The following FAM193A variants were observed in gnomAD, a reference collection of about 807,000 sequenced individuals.
FAM193A encodes protein FAM193A.
FAM193A carries 22 observed loss-of-function variants against 126.5 expected under a neutral mutation model. The observed-to-expected ratio is 0.17, with a 90% CI of 0.12 to 0.25. FAM193A has a LOEUF of 0.25. Among genes scored for constraint, FAM193A ranks in the 10% least tolerant of loss-of-function variants. The probability of loss-of-function intolerance (pLI) is 1.00; values close to 1 mark genes in which losing one functional copy is unlikely to be tolerated. For synonymous variants in FAM193A, 761 were observed against 646.8 expected, an observed-to-expected ratio of 1.18 and a Z score of -2.68; for missense variants, 1,675 against 1,672.8, an observed-to-expected ratio of 1.00 and a Z score of -0.02.
chr4:2,618,807 C>G (rs1290655971), intron 2 of FAM193A, among the ~76,000 whole-genome samples: 1 of 152,066 alleles, frequency 6.6e-6, no homozygotes, highest in African/African-American at 2.4e-5. Flanking sequence ...GTTGGTCAGG[C>G]TGGTCTCGAG....
At chr4:2,591,560 C>G (rs1170849827) in intron 1 of FAM193A, among the ~76,000 whole-genome samples, 2 of 152,064 alleles carry the variant, frequency 1.3e-5, no homozygotes, top group Non-Finnish European at 2.9e-5. Flanking sequence ...ATAGGGCGGT[C>G]TAATCTGGGT....
At chr4:2,589,406 T>A (rs1056825298) in intron 1 of FAM193A, among the ~76,000 whole-genome samples, 2 of 152,152 alleles carry the variant, frequency 1.3e-5, no homozygotes, top group African/African-American at 4.8e-5. Flanking sequence ...TAAAAGTAAA[T>A]CCTTCAGAGT....
At chr4:2,721,185 C>A (rs1330271257) in intron 20 of FAM193A, among the ~76,000 whole-genome samples, 1 of 151,742 alleles carries the variant, frequency 6.6e-6, no homozygotes, top group African/African-American at 2.4e-5. Context: ...TGGTGGCGGG[C>A]ACCTGTAGTC....
At chr4:2,625,849 C>T (rs541810562) in intron 3 of FAM193A, among the ~76,000 whole-genome samples, 9 of 151,834 alleles carry the variant, frequency 5.9e-5, no homozygotes, top group East Asian at 5.8e-4. Context: ...ACCTCAGTCC[C>T]GGTATCTGGG....
At chr4:2,594,819 C>CTTTTTTTTTT (rs1740763162) in intron 1 of FAM193A, among the ~76,000 whole-genome samples, 1 of 86,958 alleles carries the variant, frequency 1.1e-5, no homozygotes, top group East Asian at 3.1e-4. Flanking sequence ...CTTTTCTTTT[C>CTTTTTTTTTT]CTTTTTTTTT....
intron 2 of FAM193A, among the ~76,000 whole-genome samples, chr4:2,611,916 A>C (rs552227532): frequency 2.8e-3 from 415 of 149,808 alleles, no homozygotes; most frequent in African/African-American, 7.8e-3. Flanking sequence ...GGCTCACTGC[A>C]AGCTCCGCCT....
Position 2,663,217 on chromosome 4 carries a change from C to T in FAM193A, c.2008C>T (p.Leu670=), listed in dbSNP as rs1456139863. 1.2e-6 allele frequency: 2 copies of T among 1,614,090 alleles called. No homozygotes were observed. Among genetic ancestry groups the T allele is most frequent in the East Asian group, 2.2e-5 (1 of 44,882 alleles). The change falls in exon 12 of 21, where the codon CTG becomes TTG. Residue 670 remains leucine (L), a synonymous_variant. Coordinates refer to ENST00000637812, the MANE Select transcript of FAM193A (RefSeq NM_001366318.2). ...PPGAPKEDGV[L]GSRSPRTEES... is the part of the protein sequence containing the mutation. ...AGGGGCCCCGAAGGAAGATGGAGTG[C>T]TGGGAAGCAGGAGCCCCAGGACAGA...
chr4:2,613,036 C>T (rs1375466405), intron 2 of FAM193A, among the ~76,000 whole-genome samples: 3 of 152,144 alleles, frequency 2.0e-5, no homozygotes, highest in Non-Finnish European at 2.9e-5. Flanking sequence ...AATATTGAGT[C>T]TTCAAGTCTA....
At chr4:2,725,456 A>AAG (rs1474878112) in intron 20 of FAM193A, among the ~76,000 whole-genome samples, 4 of 146,332 alleles carry the variant, frequency 2.7e-5, no homozygotes, top group African/African-American at 7.7e-5. Flanking sequence ...TCTCCAAAAA[A>AAG]AAAAAAAAAA....
chr4:2,625,553 A>G (rs1361804273), intron 3 of FAM193A, 158 bp downstream of exon 3: 1 of 463,676 alleles, frequency 2.2e-6, no homozygotes, highest in African/African-American at 2.0e-5. Context: ...GAGTAAGACA[A>G]AAACTGTTGC....
At chr4:2,679,773 T>C (rs559565070) in intron 13 of FAM193A, among the ~76,000 whole-genome samples, 6 of 152,150 alleles carry the variant, frequency 3.9e-5, no homozygotes, top group East Asian at 1.9e-4. Context: ...TTTTGGAAAC[T>C]TTGAGAAAGA....
intron 20 of FAM193A, among the ~76,000 whole-genome samples, chr4:2,726,950 CAAAA>C (rs35697253): frequency 1.9e-5 from 2 of 104,050 alleles, no homozygotes; most frequent in Admixed American, 1.1e-4. Flanking sequence ...AACTCCGTCC[CAAAA>C]AAAAAAAAAA....
chr4:2,596,578 A>G (rs756182774), intron 2 of FAM193A, among the ~76,000 whole-genome samples: 13 of 152,120 alleles, frequency 8.5e-5, no homozygotes, highest in African/African-American at 1.2e-4. Context: ...CTGAAGGGTG[A>G]TTTTTGGCTT....
chr4:2,610,230 C>T (rs1163342454), intron 2 of FAM193A, among the ~76,000 whole-genome samples: 4 of 151,936 alleles, frequency 2.6e-5, no homozygotes, highest in African/African-American at 9.7e-5. Context: ...GACTCTGTCT[C>T]AAAAACAAAA....
intron 6 of FAM193A, among the ~76,000 whole-genome samples, chr4:2,643,755 G>C (rs34745121): frequency 2.0e-5 from 3 of 152,070 alleles, no homozygotes; most frequent in Admixed American, 6.5e-5. Flanking sequence ...TCCATCCTCT[G>C]TCCTGCCTGA....
At chr4:2,557,480 A>G (rs1171491537) in intron 1 of FAM193A, among the ~76,000 whole-genome samples, 1 of 152,232 alleles carries the variant, frequency 6.6e-6, no homozygotes, top group Non-Finnish European at 1.5e-5. Flanking sequence ...TTTCTGTTCC[A>G]GGATCTAATC....
chr4:2,672,422 A>C (rs1005262776), intron 13 of FAM193A, 50 bp downstream of exon 13: 17 of 1,599,618 alleles, frequency 1.1e-5, no homozygotes, highest in Non-Finnish European at 1.4e-5. Context: ...CTGAGATCCT[A>C]CAGGAGTACA....
In FAM193A at chr4:2,663,260, G is replaced by A; in HGVS notation, c.2051G>A (p.Ser684Asn). ...SPRTEESKAD[S>N]PPPSYPTQQA... The stretch of plus-strand genomic sequence containing the variant: ...AGGACAGAGGAGAGCAAAGCAGACA[G>A]TCCACCCCCATCCTACCCAACACAG... Residue 684 changes from serine to asparagine, a missense_variant, in exon 12 of 21, where the codon AGT becomes AAT. Ser to Asn is a conservative substitution (Grantham distance 46, BLOSUM62 1). Transcript: ENST00000637812. 2 of 1,605,150 alleles carry A rather than the reference G, an allele frequency of 1.2e-6. No homozygotes were observed. The highest frequency in any genetic ancestry group is 1.7e-6 in the Non-Finnish European group (2 of 1,176,874).
At chr4:2,610,328 G>A (rs1365623951) in intron 2 of FAM193A, among the ~76,000 whole-genome samples, 2 of 150,810 alleles carry the variant, frequency 1.3e-5, no homozygotes, top group Non-Finnish European at 2.9e-5. Flanking sequence ...AAGGCATATA[G>A]TCCCAACTTA....
Sources: gnomAD v4.1 joint callset for allele counts (sites outside exome capture counted in the v4.1 genomes callset) on GRCh38, gnomAD v4.1.1 for gene constraint, MANE v1.5 for transcripts, NCBI Gene and HGNC (gene_info 2026-07-23, HGNC 2026-07-21) for gene names.